OR52E5: variants seen among roughly 807,000 people sequenced by gnomAD.
OR52E5 encodes the protein olfactory receptor 52E5.
chr11:5,896,184 C>G lies in OR52E5; in HGVS notation c.-146+471C>G, dbSNP rs899121738. 6.4e-5 allele frequency among the ~76,000 whole-genome samples: 9 copies of G among 141,016 alleles called. No individual in the cohort carries two copies. In the East Asian group the frequency reaches 1.9e-3, roughly 29 times the overall value. The allele number at this position is 141,016 out of a possible 152,430, so 92.5% of individuals were successfully genotyped here. ...TTGGGAGGCTGAGGCGAGCAGATCA[C>G]GAGGTCAGGAGATCAAGACATCAAG... is the stretch of plus-strand genomic sequence containing the variant. On this transcript the variant is annotated intron_variant, in intron 2 of 2. Transcript: ENST00000610445.
intron 2 of OR52E5, among the ~76,000 whole-genome samples, chr11:5,899,372 C>T (rs1349752687): frequency 6.6e-6 from 1 of 152,150 alleles, no homozygotes; most frequent in Admixed American, 6.5e-5. Context: ...ATCTTCCCTC[C>T]CTTTAGCAGA....
At chr11:5,894,541 C>T (rs910859265) in intron 1 of OR52E5, among the ~76,000 whole-genome samples, 1 of 152,008 alleles carries the variant, frequency 6.6e-6, no homozygotes, top group Admixed American at 6.6e-5. Flanking sequence ...TAAAGCTAGA[C>T]AGGAAAGTCT....
chr11:5,895,986 T>C (rs1246562796), intron 2 of OR52E5, among the ~76,000 whole-genome samples: 1 of 150,932 alleles, frequency 6.6e-6, no homozygotes, highest in Non-Finnish European at 1.5e-5. Flanking sequence ...GTGGTGGAGG[T>C]TGCAGTGAGC....
intron 1 of OR52E5, among the ~76,000 whole-genome samples, chr11:5,894,283 A>G (rs942584397): frequency 6.6e-6 from 1 of 152,118 alleles, no homozygotes; most frequent in South Asian, 2.1e-4. Flanking sequence ...CCTCTTCAAG[A>G]GCTTCTGATT....
rs1428861414 is a variant in OR52E5, at chr11:5,901,791, A to G, written c.*31A>G. 7.5e-6 allele frequency: 3 copies of G among 399,502 alleles called. No individual in the cohort carries two copies. The highest frequency in any genetic ancestry group is 6.2e-5 in the African/African-American group (3 of 48,560). 24.7% of individuals were successfully genotyped at this position (399,502 alleles called of 1,614,324 possible). ...TCATAACAAAATAAACACTGGAAAC[A>G]TTTTTTTTACTACTTCTCTTGCATT... is the stretch of plus-strand genomic sequence containing the variant. On this transcript the variant is annotated 3_prime_UTR_variant, in exon 3 of 3. Transcript: ENST00000610445.
rs1474447926 is a variant in OR52E5 at position 5,901,688 on chromosome 11, G to A, written c.912G>A (p.Arg304=). The A allele has an allele frequency of 2.5e-6, 1 of 400,908 alleles. No individual in the cohort carries two copies. The highest frequency in any genetic ancestry group is 4.4e-6 in the Non-Finnish European group (1 of 226,218). The allele number at this position is 400,908 out of a possible 1,614,324, so 24.8% of individuals were successfully genotyped here. A position where few individuals can be genotyped will look rare whatever the true frequency, so the allele number is the denominator to read the frequency against. ...AACAGATACGAGAGCAGGTACTTAG[G>A]ATACTCAACCCTAAAAGCTTTTGGC... The part of the protein sequence containing the change: ...KTKQIREQVL[R]ILNPKSFWHF... The change falls in exon 3 of 3, where the codon AGG becomes AGA. Residue 304 remains arginine (R), a synonymous_variant. Transcript: ENST00000610445.
At position 5,901,791 on chromosome 11, in the gene OR52E5, ATTT is replaced by A; in HGVS notation, c.*37_*39del. ...TCATAACAAAATAAACACTGGAAAC[ATTT>A]TTTTTACTACTTCTCTTGCATTCCC... is the stretch of plus-strand genomic sequence containing the variant. On this transcript the variant is annotated 3_prime_UTR_variant, in exon 3 of 3. Coordinates refer to ENST00000610445, the MANE Select transcript of OR52E5 (RefSeq NM_001005166.5). 2.5e-6 allele frequency: 1 copy of A among 399,624 alleles called. No homozygotes were observed. 24.8% of individuals were successfully genotyped at this position (399,624 alleles called of 1,614,324 possible).
intron 2 of OR52E5, among the ~76,000 whole-genome samples, chr11:5,897,858 T>G (rs1279488977): frequency 6.6e-6 from 1 of 152,120 alleles, no homozygotes; most frequent in Admixed American, 6.6e-5. Flanking sequence ...TTTTTGTTGT[T>G]GTTTGTCTGC....
rs1210623255 is a variant in OR52E5, at chr11:5,900,894, G to A, written c.118G>A (p.Ala40Thr). 2.5e-6 allele frequency: 1 copy of A among 401,202 alleles called. No homozygotes were observed. The highest frequency in any genetic ancestry group is 2.1e-5 in the African/African-American group (1 of 48,694). The allele number at this position is 401,202 out of a possible 1,614,324, so 24.9% of individuals were successfully genotyped here. Reference protein sequence around the residue: ...GFPFFAVYLTALLGNIIILFV... With the variant: ...GFPFFAVYLTTLLGNIIILFV... ...CCCCTTCTTTGCAGTGTATCTAACA[G>A]CCCTTCTAGGGAACATCATTATCCT... The change falls in exon 3 of 3, where the codon GCC (alanine) becomes ACC (threonine). Residue 40 changes from alanine (A) to threonine (T), a missense_variant. By Grantham distance (58) the Ala-to-Thr change is moderately conservative (BLOSUM62 0). Coordinates refer to ENST00000610445, the MANE Select transcript of OR52E5 (RefSeq NM_001005166.5).
intron 2 of OR52E5, among the ~76,000 whole-genome samples, chr11:5,899,911 A>C (rs1175303934): frequency 6.6e-6 from 1 of 152,216 alleles, no homozygotes; most frequent in Non-Finnish European, 1.5e-5. Flanking sequence ...TACAGCATTA[A>C]TACAAACTAG....
intron 1 of OR52E5, among the ~76,000 whole-genome samples, chr11:5,893,821 AG>A (rs1564995355): frequency 1.4e-4 from 21 of 152,260 alleles, no homozygotes. Context: ...AAAATAAAAA[AG>A]GCTTACTTTT....
rs1357471768 is a variant in OR52E5 at position 5,901,127 on chromosome 11, G to C, written c.351G>C (p.Leu117=). The part of the protein sequence containing the change: ...HICTGLESVV[L]TVTGIDRYIA... ...GCACTGGCCTGGAGTCTGTGGTACTGACAGTCACGGGCATAGATCGCTATA... is the reference window on the plus strand; with the variant it reads ...GCACTGGCCTGGAGTCTGTGGTACTCACAGTCACGGGCATAGATCGCTATA... The change falls in exon 3 of 3, where the codon CTG becomes CTC. Residue 117 remains leucine (L), a synonymous_variant. Coordinates refer to ENST00000610445, the MANE Select transcript of OR52E5 (RefSeq NM_001005166.5). The C allele has an allele frequency of 2.5e-6, 1 of 401,398 alleles. No homozygotes were observed. Among genetic ancestry groups the C allele is most frequent in the East Asian group, 3.6e-5 (1 of 28,100 alleles). 24.9% of individuals were successfully genotyped at this position (401,398 alleles called of 1,614,324 possible).
In OR52E5 at chr11:5,901,888, G is replaced by C. The variant is rs779141543; in HGVS notation, c.*128G>C. On this transcript the variant is annotated 3_prime_UTR_variant, in exon 3 of 3. Transcript: ENST00000610445. ...TCAGTACGGTCTGTTGGAAGTTATA[G>C]CTCAAAGATTCCAAAACAATCTCTC... 1 of 398,608 alleles carries C rather than the reference G, an allele frequency of 2.5e-6. No homozygotes were observed. The highest frequency in any genetic ancestry group is 4.4e-6 in the Non-Finnish European group (1 of 225,136). 24.7% of individuals were successfully genotyped at this position (398,608 alleles called of 1,614,324 possible).
chr11:5,893,533 G>A (rs1847132391), intron 1 of OR52E5, among the ~76,000 whole-genome samples: 1 of 152,012 alleles, frequency 6.6e-6, no homozygotes, highest in South Asian at 2.1e-4. Flanking sequence ...AGAGTTAAAG[G>A]AAAAGAGAAG....
intron 1 of OR52E5, among the ~76,000 whole-genome samples, chr11:5,894,167 T>C (rs1847141675): frequency 6.6e-6 from 1 of 152,206 alleles, no homozygotes; most frequent in Admixed American, 6.5e-5. Context: ...GACACTAGTT[T>C]TGCCTTCAAA....
intron 2 of OR52E5, among the ~76,000 whole-genome samples, chr11:5,899,323 A>G (rs1847217713): frequency 6.6e-6 from 1 of 152,206 alleles, no homozygotes. Context: ...GGAGAAAAAG[A>G]TGATTAATAC....
chr11:5,898,621 G>T (rs1847207958), intron 2 of OR52E5, among the ~76,000 whole-genome samples: 1 of 152,068 alleles, frequency 6.6e-6, no homozygotes, highest in Non-Finnish European at 1.5e-5. Context: ...TTTTGTATAT[G>T]GTAAGAAGTA....
intron 2 of OR52E5, among the ~76,000 whole-genome samples, chr11:5,898,522 G>A (rs1469006401): frequency 6.6e-6 from 1 of 152,066 alleles, no homozygotes; most frequent in African/African-American, 2.4e-5. Context: ...TTTGCCTAGG[G>A]CCAATGTCCA....
chr11:5,895,885 C>A (rs1847166482), intron 2 of OR52E5, among the ~76,000 whole-genome samples, 172 bp downstream of exon 2: 2 of 151,942 alleles, frequency 1.3e-5, no homozygotes, highest in Non-Finnish European at 2.9e-5. Flanking sequence ...CTTGTCTCTA[C>A]TAAAAATACA....
Sources: gnomAD v4.1 joint callset for allele counts (sites outside exome capture counted in the v4.1 genomes callset) on GRCh38, gnomAD v4.1.1 for gene constraint, MANE v1.5 for transcripts, NCBI Gene and HGNC (gene_info 2026-07-23, HGNC 2026-07-21) for gene names.